BAZ1A: variants seen among roughly 807,000 people sequenced by gnomAD.
The protein encoded by BAZ1A is bromodomain adjacent to zinc finger domain 1A.
A neutral mutation model predicts 185.2 loss-of-function variants in BAZ1A; 50 were observed. The ratio of observed to expected loss-of-function variants is 0.27; its 90% CI spans 0.22 to 0.34. The LOEUF (loss-of-function observed/expected upper bound fraction) is 0.34, where lower values mean the gene tolerates loss of function less well. Ranked by LOEUF, BAZ1A falls within the 10% of genes least tolerant of loss-of-function variation. The pLI, the probability that BAZ1A is intolerant of heterozygous loss-of-function variation, is 1.00. For synonymous variants in BAZ1A, 571 were observed against 615.6 expected (o/e 0.93, Z 1.07); for missense variants, 1,356 against 1,839.9 (o/e 0.74, Z 4.81).
intron 3 of BAZ1A, among the ~76,000 whole-genome samples, chr14:34,836,432 G>C (rs1425472102): frequency 7.0e-6 from 1 of 141,938 alleles, no homozygotes; most frequent in Non-Finnish European, 1.5e-5. Flanking sequence ...TTCTATAACT[G>C]AGACACATGC....
chr14:34,829,364 T>C (rs2042207595), intron 3 of BAZ1A, among the ~76,000 whole-genome samples: 1 of 151,436 alleles, frequency 6.6e-6, no homozygotes, highest in Non-Finnish European at 1.5e-5. Context: ...GCACCCCAGC[T>C]TGGGTGACTG....
intron 3 of BAZ1A, among the ~76,000 whole-genome samples, chr14:34,834,617 C>A (rs2042300160): frequency 1.3e-5 from 2 of 152,148 alleles, no homozygotes; most frequent in Non-Finnish European, 2.9e-5. Flanking sequence ...CTTTGTAGCA[C>A]AACCAAACCA....
intron 4 of BAZ1A, among the ~76,000 whole-genome samples, chr14:34,820,334 G>C (rs927814561): frequency 3.9e-5 from 6 of 151,960 alleles, no homozygotes; most frequent in African/African-American, 1.5e-4. Context: ...GTTTCACTAT[G>C]TTGCCCAGGC....
Position 34,762,364 on chromosome 14 carries a change from TAAAG to T in BAZ1A, c.3777-145_3777-142del, listed in dbSNP as rs919772649. ...GAGACTTATCCTAGACTCAATTCCT[TAAAG>T]AGTCAGTAAGTTTTAAGTTCTCAAG... On this transcript the variant is annotated intron_variant, in intron 23 of 26. Transcript: ENST00000360310. The T allele has an allele frequency of 4.0e-5, 29 of 724,384 alleles. No individual in the cohort carries two copies. The African/African-American group carries it at 4.8e-4, about 12-fold the overall frequency. The allele number at this position is 724,384 out of a possible 1,614,324, so 44.9% of individuals were successfully genotyped here.
intron 3 of BAZ1A, among the ~76,000 whole-genome samples, chr14:34,842,370 A>G (rs2042428988): frequency 6.6e-6 from 1 of 152,196 alleles, no homozygotes; most frequent in African/African-American, 2.4e-5. Flanking sequence ...AAATACTAGA[A>G]AAGAAAAAGG....
At chr14:34,830,335 T>C (rs779250784) in intron 3 of BAZ1A, among the ~76,000 whole-genome samples, 2 of 152,040 alleles carry the variant, frequency 1.3e-5, no homozygotes, top group Non-Finnish European at 2.9e-5. Context: ...TGATACATGC[T>C]ACAATATTTA....
intron 3 of BAZ1A, among the ~76,000 whole-genome samples, chr14:34,836,378 C>CAAA (rs773500177): frequency 1.5e-4 from 2 of 13,130 alleles, no homozygotes; most frequent in Non-Finnish European, 1.2e-4. Context: ...GACTCCGTCT[C>CAAA]AAAAAAAAAA....
rs1326467459 is a variant in BAZ1A at position 34,826,072 on chromosome 14, T to C, written c.477A>G (p.Glu159=). The C allele has an allele frequency of 1.2e-6, 2 of 1,610,288 alleles. No homozygotes were observed. The highest frequency in any genetic ancestry group is 2.7e-5 in the African/African-American group (2 of 74,832). ...CATCACTATCACTGATGATAATAGT[T>C]TCTCCATCCACACTGTTAACATGTC... ...ANGHVNSVDG[E]TIIISDSDDS... is the part of the protein sequence containing the mutation. Residue 159 remains glutamate (E), a synonymous_variant, in exon 4 of 27, where the codon GAA becomes GAG. Transcript: ENST00000360310.
chr14:34,837,959 C>G lies in BAZ1A; in HGVS notation c.393-11803G>C, dbSNP rs7149819. On this transcript the variant is annotated intron_variant, in intron 3 of 26. Coordinates refer to ENST00000360310, the MANE Select transcript of BAZ1A (RefSeq NM_013448.3). ...ATAGTAACAGTATTTTCAAACTAAC[C>G]GGCCTCAATGTGAAAAATGCATAGG... Among the ~76,000 whole-genome samples, 936 of 152,226 alleles carry G rather than the reference C, an allele frequency of 6.1e-3. 18 individuals carry two copies. The highest frequency in any genetic ancestry group is 0.022 in the African/African-American group (904 of 41,526).
intron 3 of BAZ1A, among the ~76,000 whole-genome samples, chr14:34,839,114 G>A (rs956098887): frequency 1.3e-5 from 2 of 152,136 alleles, no homozygotes; most frequent in African/African-American, 4.8e-5. Context: ...CAAACTTCAG[G>A]ACAGAAAACA....
At chr14:34,871,845 T>C (rs2042953570) in intron 2 of BAZ1A, among the ~76,000 whole-genome samples, 1 of 152,206 alleles carries the variant, frequency 6.6e-6, no homozygotes, top group East Asian at 1.9e-4. Context: ...CACTCCAGCC[T>C]GGGCGACAGG....
intron 5 of BAZ1A, among the ~76,000 whole-genome samples, chr14:34,809,782 G>A (rs2041903926): frequency 6.6e-6 from 1 of 151,818 alleles, no homozygotes; most frequent in African/African-American, 2.4e-5. Context: ...ATATTAAATA[G>A]GGAATTACAT....
intron 3 of BAZ1A, among the ~76,000 whole-genome samples, chr14:34,827,734 CAAAA>C (rs60368383): frequency 8.3e-5 from 11 of 133,096 alleles, no homozygotes; most frequent in Non-Finnish European, 8.0e-5. Flanking sequence ...GACTCTGTCT[CAAAA>C]AAAAAAAAAA....
intron 7 of BAZ1A, 85 bp from the exon 8 acceptor site, chr14:34,801,278 T>A (rs1881533760): frequency 1.1e-6 from 1 of 885,216 alleles, no homozygotes; most frequent in Admixed American, 2.8e-5. Flanking sequence ...AATTACACTT[T>A]CTTTATACTA....
intron 3 of BAZ1A, among the ~76,000 whole-genome samples, chr14:34,834,254 T>G (rs2042294965): frequency 6.6e-6 from 1 of 152,174 alleles, no homozygotes; most frequent in African/African-American, 2.4e-5. Flanking sequence ...TATGACAAGG[T>G]TGCTCAAGTT....
intron 2 of BAZ1A, among the ~76,000 whole-genome samples, chr14:34,865,759 G>A (rs1327160049): frequency 6.6e-6 from 1 of 152,068 alleles, no homozygotes; most frequent in Non-Finnish European, 1.5e-5. Context: ...AAAATACAAA[G>A]TAAAAAGCAG....
chr14:34,793,014 G>T, intron 11 of BAZ1A, 93 bp from the exon 12 acceptor site: 1 of 1,130,902 alleles, frequency 8.8e-7, no homozygotes, highest in Non-Finnish European at 1.2e-6. Context: ...ACAATAGTAT[G>T]TGCAACTATT....
intron 2 of BAZ1A, among the ~76,000 whole-genome samples, chr14:34,873,025 A>T (rs2042977595): frequency 6.6e-6 from 1 of 151,794 alleles, no homozygotes; most frequent in Non-Finnish European, 1.5e-5. Flanking sequence ...ACAGGAGCAG[A>T]GCGAGATGTG....
At chr14:34,790,921 G>A (rs897963867) in intron 12 of BAZ1A, among the ~76,000 whole-genome samples, 3 of 151,970 alleles carry the variant, frequency 2.0e-5, no homozygotes, top group Non-Finnish European at 2.9e-5. Flanking sequence ...TCGGGAGTTC[G>A]AGACCAGCCT....
Sources: allele counts gnomAD v4.1 joint callset (sites outside exome capture counted in the v4.1 genomes callset), GRCh38; gene constraint gnomAD v4.1.1; transcripts MANE v1.5; gene names NCBI Gene and HGNC (gene_info 2026-07-23, HGNC 2026-07-21).